Variants in SPINT2 observed in about 807,000 individuals in gnomAD.
SPINT2 encodes the protein kunitz-type protease inhibitor 2.
In SPINT2, 18 loss-of-function variants were observed where a neutral mutation model predicts 30.1. The ratio of observed to expected loss-of-function variants is 0.60; its 90% confidence interval spans 0.41 to 0.89. The LOEUF (loss-of-function observed/expected upper bound fraction) is 0.89, where lower values mean the gene tolerates loss of function less well. SPINT2 is among the 40% of genes least tolerant of loss of function. The probability of loss-of-function intolerance (pLI) is 0.00; values close to 1 mark genes in which losing one functional copy is unlikely to be tolerated. For missense variants in SPINT2, 276 were observed against 334.3 expected, an observed-to-expected ratio of 0.83 and a Z score of 1.36; for synonymous variants, 139 against 137.9, an observed-to-expected ratio of 1.01 and a Z score of -0.05.
rs1160544696 is a variant in SPINT2 at position 38,290,020 on chromosome 19, C to T, written c.392-99C>T. Reference sequence around the variant, plus strand: ...CTTCTTTACCAGAGAGATGTTTCTCCGTCTGCTGGAGCCGCAAGCCTCCTC... The same window carrying T: ...CTTCTTTACCAGAGAGATGTTTCTCTGTCTGCTGGAGCCGCAAGCCTCCTC... On this transcript the variant is annotated intron_variant, in intron 4 of 6. Transcript: ENST00000301244. This position sits in a 1 kb window ranked among gnomAD's most constrained non-coding sequence, Gnocchi z 4.3. The T allele has an allele frequency of 3.4e-5, 44 of 1,296,100 alleles. No homozygotes were observed. The highest frequency in any genetic ancestry group is 3.6e-5 in the South Asian group (3 of 83,976). 80.3% of individuals were successfully genotyped at this position (1,296,100 alleles called of 1,614,324 possible).
chr19:38,287,771 G>C (rs568115352), intron 2 of SPINT2, 105 bp from the exon 3 acceptor site: 1 of 1,225,138 alleles, frequency 8.2e-7, no homozygotes, highest in Non-Finnish European at 1.2e-6. Context: ...CCATGTAAAG[G>C]AGAAGTGGAT....
intron 4 of SPINT2, chr19:38,289,839 G>T (rs371305348): frequency 1.0e-4 from 50 of 487,098 alleles, no homozygotes; most frequent in African/African-American, 9.2e-4. Context: ...TAAAATGAAG[G>T]GTCCCAGATA....
At chr19:38,291,801 C>G in intron 6 of SPINT2, 39 bp from the exon 7 acceptor site, 2 of 1,607,068 alleles carry the variant, frequency 1.2e-6, no homozygotes, top group South Asian at 1.1e-5. Flanking sequence ...TGCAACTCCC[C>G]TTGCCTGGCC....
At chr19:38,280,435 A>G (rs576870171) in intron 1 of SPINT2, among the ~76,000 whole-genome samples, 59 of 152,288 alleles carry the variant, frequency 3.9e-4, no homozygotes, top group Admixed American at 1.2e-3. Context: ...GACAGAATAC[A>G]GTGATGTTCT....
chr19:38,288,641 G>C (rs1016535466), intron 3 of SPINT2: 1 of 199,124 alleles, frequency 5.0e-6, no homozygotes, highest in Admixed American at 5.3e-5. Flanking sequence ...TACCCACCGA[G>C]TGCACTGTAG....
At position 38,288,580 on chromosome 19, in the gene SPINT2, G is replaced by T. The variant is rs533974896; in HGVS notation, c.338-558G>T. 211 of 199,102 alleles carry T rather than the reference G, an allele frequency of 1.1e-3. 2 individuals carry two copies. Among genetic ancestry groups the T allele is most frequent in the Non-Finnish European group, 8.0e-4 (76 of 95,392 alleles). 12.3% of individuals were successfully genotyped at this position (199,102 alleles called of 1,614,324 possible). A position where few individuals can be genotyped will look rare whatever the true frequency, so the allele number is the denominator to read the frequency against. ...TGGACTCTGGGAGGCTGCTGTGGAG[G>T]GGGTACTGCACCGCACCCCTGCTGG... On this transcript the variant is annotated intron_variant, in intron 3 of 6. Coordinates refer to ENST00000301244, the MANE Select transcript of SPINT2 (RefSeq NM_021102.4).
rs1240176104 is a variant in SPINT2 at position 38,289,120 on chromosome 19, C to G, written c.338-18C>G. On this transcript the variant is annotated intron_variant, in intron 3 of 6. Coordinates refer to ENST00000301244, the MANE Select transcript of SPINT2 (RefSeq NM_021102.4). ...TGTGTCCGGCCCAGCCTCCCTAACA[C>G]AGATGTTTGTGTTTCAGCTCCCAGA... The G allele has an allele frequency of 1.2e-6, 2 of 1,613,652 alleles. No homozygotes were observed. Among genetic ancestry groups the G allele is most frequent in the Admixed American group, 1.7e-5 (1 of 59,988 alleles).
chr19:38,283,908 C>G, intron 2 of SPINT2, 111 bp downstream of exon 2: 1 of 1,260,102 alleles, frequency 7.9e-7, no homozygotes, highest in South Asian at 1.4e-5. Flanking sequence ...GTGGCGCGAT[C>G]TTGGCTCACT....
intron 2 of SPINT2, among the ~76,000 whole-genome samples, chr19:38,287,404 C>T (rs996660836): frequency 2.6e-5 from 4 of 152,094 alleles, no homozygotes; most frequent in Non-Finnish European, 4.4e-5. Flanking sequence ...TTCGCAGTGT[C>T]GGCCAGGATG....
intron 1 of SPINT2, among the ~76,000 whole-genome samples, chr19:38,281,656 C>G (rs914948737): frequency 4.0e-5 from 6 of 151,756 alleles, no homozygotes; most frequent in Non-Finnish European, 7.4e-5. Flanking sequence ...TTGCAGTTAG[C>G]GGAGATCACG....
chr19:38,274,647 A>G (rs899700279), intron 1 of SPINT2, among the ~76,000 whole-genome samples: 10 of 152,000 alleles, frequency 6.6e-5, no homozygotes, highest in African/African-American at 2.4e-4. Context: ...GCAAAACCCT[A>G]TCTACTGAAA....
chr19:38,286,449 C>T (rs1407938771), intron 2 of SPINT2, among the ~76,000 whole-genome samples: 1 of 152,188 alleles, frequency 6.6e-6, no homozygotes, highest in Non-Finnish European at 1.5e-5. Context: ...AGGGTTCCCT[C>T]CATCTTGGAC....
chr19:38,289,292 T>C, intron 4 of SPINT2, 101 bp downstream of exon 4: 5 of 1,012,304 alleles, frequency 4.9e-6, no homozygotes, highest in Middle Eastern at 2.3e-4. Context: ...ATCAAGACCA[T>C]CCTAACATGG....
At chr19:38,275,450 G>C (rs1243461583) in intron 1 of SPINT2, among the ~76,000 whole-genome samples, 1 of 151,912 alleles carries the variant, frequency 6.6e-6, no homozygotes, top group Non-Finnish European at 1.5e-5. Flanking sequence ...TCAGCCTCCC[G>C]AGTAGCTGGG....
intron 1 of SPINT2, among the ~76,000 whole-genome samples, chr19:38,277,361 T>TACTC (rs755156492): frequency 6.6e-6 from 1 of 151,894 alleles, no homozygotes; most frequent in Non-Finnish European, 1.5e-5. Flanking sequence ...CCTCCTACCT[T>TACTC]AGCCTCTCAA....
Position 38,264,865 on chromosome 19 carries a change from T to C in SPINT2, c.-28T>C. The C allele has an allele frequency of 6.5e-7, 1 of 1,530,558 alleles. No individual in the cohort carries two copies. The highest frequency in any genetic ancestry group is 8.7e-7 in the Non-Finnish European group (1 of 1,144,012). 94.8% of individuals were successfully genotyped at this position (1,530,558 alleles called of 1,614,324 possible). On this transcript the variant is annotated 5_prime_UTR_variant, in exon 1 of 7. Coordinates refer to ENST00000301244, the MANE Select transcript of SPINT2 (RefSeq NM_021102.4). ...CGCGAGACCCCAACGGCTGGTGGCG[T>C]CGCCTGCGCGTCTCGGCTGAGCTGG...
rs892061831 is a variant in SPINT2 at position 38,284,522 on chromosome 19, T to C, written c.277+725T>C. On this transcript the variant is annotated intron_variant, in intron 2 of 6. Coordinates refer to ENST00000301244, the MANE Select transcript of SPINT2 (RefSeq NM_021102.4). ...AGAAACAGGCACCGTGTGAATGTCC[T>C]GGTGGCCGTACAGTGGTTTCACAGC... Among the ~76,000 whole-genome samples, 105 of 152,332 alleles carry C rather than the reference T, an allele frequency of 6.9e-4. 1 individual carries two copies. Among genetic ancestry groups the C allele is most frequent in the Middle Eastern group, 3.4e-3 (1 of 294 alleles).
intron 3 of SPINT2, chr19:38,288,788 C>A: frequency 3.3e-6 from 1 of 305,874 alleles, no homozygotes; most frequent in Non-Finnish European, 6.4e-6. Context: ...TCTGCTAGCC[C>A]CCCCACACAC....
chr19:38,276,795 T>C (rs1429268758), intron 1 of SPINT2, among the ~76,000 whole-genome samples: 1 of 152,050 alleles, frequency 6.6e-6, no homozygotes, highest in Non-Finnish European at 1.5e-5. Context: ...TATCCATATG[T>C]TTTATTTATT....
Sources: allele counts gnomAD v4.1 joint callset (sites outside exome capture counted in the v4.1 genomes callset), GRCh38; gene constraint gnomAD v4.1.1; non-coding constraint Gnocchi (gnomAD v3.1); transcripts MANE v1.5; gene names NCBI Gene and HGNC (gene_info 2026-07-23, HGNC 2026-07-21).